Variants in ZNF184 observed in about 807,000 individuals in gnomAD.
ZNF184 encodes zinc finger protein 184, also known as zinc finger protein 184 (Kruppel-like).
In ZNF184, 16 loss-of-function variants were observed where a neutral mutation model predicts 54.4. The ratio of observed to expected loss-of-function variants is 0.29; its 90% CI spans 0.20 to 0.45. The LOEUF (loss-of-function observed/expected upper bound fraction) is 0.45, where lower values mean the gene tolerates loss of function less well. Among genes scored for constraint, ZNF184 ranks in the 20% least tolerant of loss-of-function variants. The pLI, the probability that ZNF184 is intolerant of heterozygous loss-of-function variation, is 1.00. For missense variants in ZNF184, 681 were observed against 888.2 expected, an observed-to-expected ratio of 0.77 and a Z score of 2.97; for synonymous variants, 254 against 295.3, an observed-to-expected ratio of 0.86 and a Z score of 1.43.
downstream of ZNF184, among the ~76,000 whole-genome samples, chr6:27,446,254 G>C (rs574062895): frequency 1.2e-3 from 188 of 152,272 alleles, 3 homozygotes; most frequent in Middle Eastern, 0.014. Context: ...CTCTAAAAGG[G>C]TAAAATGATT....
the ZNF184 span, among the ~76,000 whole-genome samples, chr6:27,413,888 A>G: frequency 6.6e-6 from 1 of 152,174 alleles, no homozygotes; most frequent in Non-Finnish European, 1.5e-5. Flanking sequence ...TTTTCTATTC[A>G]GATCCTGGAG....
the ZNF184 span, among the ~76,000 whole-genome samples, chr6:27,409,511 A>C: frequency 7.3e-5 from 11 of 150,320 alleles, no homozygotes; most frequent in Non-Finnish European, 1.5e-4. Context: ...AAAAAAAAAA[A>C]AAAAAAAAAA....
At chr6:27,422,366 T>A in the ZNF184 span, among the ~76,000 whole-genome samples, 19 of 152,224 alleles carry the variant, frequency 1.2e-4, no homozygotes, top group South Asian at 3.7e-3. Context: ...TCCTTTTCGA[T>A]GCTCTTTTCA....
chr6:27,417,729 A>C, the ZNF184 span, among the ~76,000 whole-genome samples: 1 of 152,242 alleles, frequency 6.6e-6, no homozygotes, highest in Non-Finnish European at 1.5e-5. Flanking sequence ...CCAGACAAGC[A>C]GGGCTTTAAT....
chr6:27,436,107 GT>G, the ZNF184 span, among the ~76,000 whole-genome samples: 1 of 152,042 alleles, frequency 6.6e-6, no homozygotes, highest in Non-Finnish European at 1.5e-5. Context: ...TGTTTTTTAT[GT>G]ATGGTTTTTA....
At chr6:27,429,097 A>C in the ZNF184 span, among the ~76,000 whole-genome samples, 1 of 152,236 alleles carries the variant, frequency 6.6e-6, no homozygotes, top group Admixed American at 6.5e-5. Flanking sequence ...AAGCTAAGTC[A>C]TAAAAGGTGT....
the ZNF184 span, chr6:27,404,596 G>C: frequency 6.6e-6 from 1 of 152,214 alleles, no homozygotes. Flanking sequence ...CTGCAGAAAT[G>C]ACAGTGATCA....
chr6:27,419,996 T>C, the ZNF184 span, among the ~76,000 whole-genome samples: 1 of 152,224 alleles, frequency 6.6e-6, no homozygotes, highest in Non-Finnish European at 1.5e-5. This position sits in a 1 kb window ranked among gnomAD's most constrained non-coding sequence, Gnocchi z 4.8. Context: ...CTATTCCCTT[T>C]GTCTGGAATC....
At chr6:27,436,250 G>A in the ZNF184 span, among the ~76,000 whole-genome samples, 4 of 152,018 alleles carry the variant, frequency 2.6e-5, no homozygotes, top group African/African-American at 7.2e-5. Flanking sequence ...TGCAACCTCC[G>A]CCTCCCAGGT....
the ZNF184 span, among the ~76,000 whole-genome samples, chr6:27,424,147 G>A: frequency 6.6e-6 from 1 of 152,196 alleles, no homozygotes. Context: ...GCTCAGAAGT[G>A]AAGCTGCAGA....
At chr6:27,436,622 T>C in the ZNF184 span, among the ~76,000 whole-genome samples, 1 of 152,256 alleles carries the variant, frequency 6.6e-6, no homozygotes, top group African/African-American at 2.4e-5. Context: ...AGGAATAAAT[T>C]TCACTCATTC....
At chr6:27,469,349 A>T (rs532233301) in intron 2 of ZNF184, among the ~76,000 whole-genome samples, 7 of 152,230 alleles carry the variant, frequency 4.6e-5, no homozygotes, top group African/African-American at 9.6e-5. Context: ...GATACAAAAT[A>T]TGAATGAGAC....
At chr6:27,407,610 C>T in the ZNF184 span, 1 of 552,888 alleles carries the variant, frequency 1.8e-6, no homozygotes, top group Non-Finnish European at 3.3e-6. Flanking sequence ...CTTACACAAA[C>T]AGGTTATATA....
intron 2 of ZNF184, among the ~76,000 whole-genome samples, chr6:27,470,034 G>A (rs1034949238): frequency 2.8e-4 from 42 of 152,314 alleles, no homozygotes; most frequent in Non-Finnish European, 5.6e-4. Context: ...AATCTCTTTG[G>A]GATACCACCA....
Position 27,467,880 on chromosome 6 carries a change from A to T in ZNF184, c.48T>A (p.His16Gln). The T allele has an allele frequency of 4.3e-6, 7 of 1,612,300 alleles. No homozygotes were observed. The highest frequency in any genetic ancestry group is 5.9e-6 in the Non-Finnish European group (7 of 1,179,220). ...SPDSTLLQGG[H>Q]NLLSSASFQE... is the part of the protein sequence containing the mutation. ...GAAAACTGGCTGATGAGAGTAGATT[A>T]TGTCCCCCTTGGAGAAGGGTGGAGT... is the stretch of plus-strand genomic sequence containing the variant. Residue 16 changes from histidine (H) to glutamine (Q), a missense_variant, in exon 3 of 6, where the codon CAT becomes CAA. His to Gln is a conservative substitution (Grantham distance 24). Transcript: ENST00000683788.
At chr6:27,458,734 T>G (rs1762926775) in intron 3 of ZNF184, among the ~76,000 whole-genome samples, 1 of 152,146 alleles carries the variant, frequency 6.6e-6, no homozygotes, top group African/African-American at 2.4e-5. Context: ...TGGGTATTTA[T>G]CCAAAGTGAA....
intron 3 of ZNF184, among the ~76,000 whole-genome samples, chr6:27,464,279 G>T (rs1763069379): frequency 6.6e-6 from 1 of 152,032 alleles, no homozygotes; most frequent in South Asian, 2.1e-4. Context: ...AAGATAATTG[G>T]CTGCTTAAAG....
chr6:27,448,223 A>G (rs1762659716), downstream of ZNF184, among the ~76,000 whole-genome samples: 1 of 152,168 alleles, frequency 6.6e-6, no homozygotes, highest in Admixed American at 6.5e-5. Flanking sequence ...AAGTCCTTAA[A>G]GCCACCCTAA....
the ZNF184 span, among the ~76,000 whole-genome samples, chr6:27,416,586 C>T: frequency 6.6e-6 from 1 of 152,232 alleles, no homozygotes; most frequent in East Asian, 1.9e-4. Flanking sequence ...CTGTTTGAAT[C>T]TCTCCTCCCC....
Sources: allele counts gnomAD v4.1 joint callset (sites outside exome capture counted in the v4.1 genomes callset), GRCh38; gene constraint gnomAD v4.1.1; non-coding constraint Gnocchi (gnomAD v3.1); transcripts MANE v1.5; gene names NCBI Gene and HGNC (gene_info 2026-07-23, HGNC 2026-07-21).